Variants in HERC3 observed in about 807,000 individuals in gnomAD.
HERC3 encodes the protein HECT and RLD domain containing E3 ubiquitin protein ligase 3, also known as probable E3 ubiquitin-protein ligase HERC3.
A neutral mutation model predicts 129.9 loss-of-function variants in HERC3; 58 were observed. The observed-to-expected ratio is 0.45, with a 90% CI of 0.36 to 0.56. HERC3 has a LOEUF of 0.56. Among genes scored for constraint, HERC3 ranks in the 20% least tolerant of loss-of-function variants. The pLI, the probability that HERC3 is intolerant of heterozygous loss-of-function variation, is 0.00. For missense variants in HERC3, 835 were observed against 1,244.2 expected, an observed-to-expected ratio of 0.67 and a Z score of 4.95; for synonymous variants, 430 against 451.0, an observed-to-expected ratio of 0.95 and a Z score of 0.59.
chr4:88,635,397 A>G (rs536523524), intron 3 of HERC3, among the ~76,000 whole-genome samples: 11 of 152,156 alleles, frequency 7.2e-5, no homozygotes, highest in African/African-American at 2.6e-4. Flanking sequence ...AGAAGAAAGA[A>G]TATCAGAGAT....
the HERC3 span, among the ~76,000 whole-genome samples, chr4:88,549,525 T>TCATTGTTTTTTTCC: frequency 1.3e-5 from 2 of 152,110 alleles, no homozygotes. Context: ...CCATGTGAAC[T>TCATTGTTTTTTTCC]CATTGTTTTT....
chr4:88,662,588 A>G (rs373238038), intron 11 of HERC3, 33 bp downstream of exon 11: 3 of 1,588,962 alleles, frequency 1.9e-6, no homozygotes, highest in East Asian at 4.5e-5. Context: ...TTTTTTTTCC[A>G]CAAAGTATGT....
chr4:88,692,652 T>C (rs935257671), intron 23 of HERC3, among the ~76,000 whole-genome samples: 1 of 152,198 alleles, frequency 6.6e-6, no homozygotes, highest in Non-Finnish European at 1.5e-5. Flanking sequence ...CTTGAGTGCT[T>C]ACCATGCATC....
At chr4:88,549,702 T>G in the HERC3 span, among the ~76,000 whole-genome samples, 4 of 149,652 alleles carry the variant, frequency 2.7e-5, no homozygotes, top group African/African-American at 1.0e-4. Context: ...ATTTTCTTTT[T>G]CTTTTTCTTT....
At chr4:88,677,928 C>T in intron 18 of HERC3, 36 bp from the exon 19 acceptor site, 1 of 1,594,974 alleles carries the variant, frequency 6.3e-7, no homozygotes, top group East Asian at 2.2e-5. Flanking sequence ...CACACGTGTG[C>T]TCTGAGTAAT....
rs1733499743 is a variant in HERC3 at position 88,686,637 on chromosome 4, TTTTTCC to T, written c.2508-96_2508-91del. On this transcript the variant is annotated intron_variant, in intron 21 of 25. Coordinates refer to ENST00000402738, the MANE Select transcript of HERC3 (RefSeq NM_014606.3). ...TTTATTCCAGAATCTTCTTTCATAG[TTTTTCC>T]TTGGAAATGGTCTGGACATGTAACT... The T allele has an allele frequency of 4.2e-5, 31 of 742,560 alleles. No homozygotes were observed. In the South Asian group the frequency reaches 4.6e-4, roughly 11 times the overall value. 46.0% of individuals were successfully genotyped at this position (742,560 alleles called of 1,614,324 possible).
intron 3 of HERC3, among the ~76,000 whole-genome samples, chr4:88,633,416 C>G (rs1396328339): frequency 6.6e-6 from 1 of 152,062 alleles, no homozygotes; most frequent in African/African-American, 2.4e-5. Context: ...GTAAAGTAAC[C>G]TATATGGTGG....
intron 3 of HERC3, among the ~76,000 whole-genome samples, chr4:88,642,663 GCCAGC>G (rs1350875674): frequency 6.6e-6 from 1 of 152,190 alleles, no homozygotes; most frequent in Non-Finnish European, 1.5e-5. Context: ...GGGCTAGCTA[GCCAGC>G]CCTCTATGGT....
At chr4:88,660,720 G>A (rs1730408067) in intron 10 of HERC3, among the ~76,000 whole-genome samples, 1 of 152,130 alleles carries the variant, frequency 6.6e-6, no homozygotes, top group Non-Finnish European at 1.5e-5. Context: ...AGAATTGTGT[G>A]TGCATGTGTG....
chr4:88,557,112 T>C, the HERC3 span, among the ~76,000 whole-genome samples: 1 of 152,154 alleles, frequency 6.6e-6, no homozygotes, highest in African/African-American at 2.4e-5. Context: ...TTTCCCACCT[T>C]ATCCTTCAAT....
At position 88,656,052 on chromosome 4, in the gene HERC3, C is replaced by T. The variant is rs1729860719; in HGVS notation, c.1069+17C>T. 6.2e-7 allele frequency: 1 copy of T among 1,612,240 alleles called. No individual in the cohort carries two copies. Among genetic ancestry groups the T allele is most frequent in the Middle Eastern group, 1.7e-4 (1 of 6,046 alleles). On this transcript the variant is annotated intron_variant, in intron 9 of 25. Transcript: ENST00000402738. ...CCCGAGCTGGTAAGAATGATTGTCT[C>T]TGGAATTTAAAGGTATTTTAAGTGA...
intron 23 of HERC3, chr4:88,697,368 C>T (rs1271905606): frequency 1.2e-6 from 2 of 1,614,084 alleles, no homozygotes; most frequent in Admixed American, 3.3e-5. Flanking sequence ...TCCATGCACA[C>T]CCCTCCATCT....
Position 88,676,251 on chromosome 4 carries a change from C to A in HERC3, c.1935+10C>A. The A allele has an allele frequency of 6.4e-7, 1 of 1,569,294 alleles. No homozygotes were observed. On this transcript the variant is annotated intron_variant, in intron 17 of 25. Coordinates refer to ENST00000402738, the MANE Select transcript of HERC3 (RefSeq NM_014606.3). ...ACCATCAATAATACAGGTAAATGATCCTTTTTAAATTTGCTTTTATATTTT... is the reference window on the plus strand; with the variant it reads ...ACCATCAATAATACAGGTAAATGATACTTTTTAAATTTGCTTTTATATTTT...
At chr4:88,527,411 C>A in the HERC3 span, among the ~76,000 whole-genome samples, 13 of 152,086 alleles carry the variant, frequency 8.5e-5, no homozygotes, top group Non-Finnish European at 1.6e-4. Flanking sequence ...ACATGCACCA[C>A]CACACCTGGC....
chr4:88,528,980 T>C, the HERC3 span, among the ~76,000 whole-genome samples: 1 of 152,208 alleles, frequency 6.6e-6, no homozygotes. Flanking sequence ...TGTTTATGAA[T>C]AAATGAATAA....
chr4:88,607,016 T>C (rs1021092693), intron 3 of HERC3, among the ~76,000 whole-genome samples: 1 of 152,210 alleles, frequency 6.6e-6, no homozygotes, highest in South Asian at 2.1e-4. Context: ...ATTGCTGTTA[T>C]GAGTGGAGGG....
chr4:88,701,120 A>G (rs1735278919), intron 23 of HERC3, among the ~76,000 whole-genome samples: 2 of 152,228 alleles, frequency 1.3e-5, no homozygotes, highest in East Asian at 1.9e-4. Context: ...CTCTTGGGTA[A>G]TTGTATCAGA....
intron 21 of HERC3, chr4:88,685,097 G>T (rs1052634624): frequency 1.3e-5 from 2 of 152,226 alleles, no homozygotes; most frequent in African/African-American, 4.8e-5. Context: ...GGAAACAACA[G>T]ATGCTGGCAA....
chr4:88,699,397 C>G (rs1359463292), intron 23 of HERC3, among the ~76,000 whole-genome samples: 1 of 95,770 alleles, frequency 1.0e-5, no homozygotes, highest in Admixed American at 1.0e-4. Context: ...TGTCTTCTTC[C>G]CCACCTTCCC....
Sources: gnomAD v4.1 joint callset for allele counts (sites outside exome capture counted in the v4.1 genomes callset) on GRCh38, gnomAD v4.1.1 for gene constraint, MANE v1.5 for transcripts, NCBI Gene and HGNC (gene_info 2026-07-23, HGNC 2026-07-21) for gene names.